Variants in ANO10 observed in about 807,000 individuals in gnomAD.
ANO10 encodes the protein anoctamin 10.
Under a neutral mutation model 74.7 loss-of-function variants are expected in ANO10, and 77 were observed. The ratio of observed to expected loss-of-function variants is 1.03; its 90% confidence interval spans 0.86 to 1.25. The LOEUF is 1.25. Among genes scored for constraint, ANO10 ranks in the 50% most tolerant of loss-of-function variants. The pLI is 0.00. For synonymous variants in ANO10, 279 were observed against 284.9 expected (o/e 0.98, Z 0.21); for missense variants, 721 against 778.1 (o/e 0.93, Z 0.87).
intron 12 of ANO10, among the ~76,000 whole-genome samples, chr3:43,373,714 C>G (rs554569038): frequency 6.6e-6 from 1 of 152,204 alleles, no homozygotes; most frequent in Non-Finnish European, 1.5e-5. Context: ...TCATTCTGAC[C>G]GCTTCTGGAA....
At chr3:43,531,376 T>C (rs1482961157) in intron 11 of ANO10, among the ~76,000 whole-genome samples, 1 of 152,196 alleles carries the variant, frequency 6.6e-6, no homozygotes, top group Non-Finnish European at 1.5e-5. Flanking sequence ...TTTCAAATTA[T>C]TTTGTGAGAA....
intron 1 of ANO10, among the ~76,000 whole-genome samples, chr3:43,645,139 TTTATC>T (rs1192554300): frequency 1.3e-5 from 2 of 152,246 alleles, no homozygotes; most frequent in African/African-American, 4.8e-5. Context: ...TTATTCATTA[TTTATC>T]TTGATTATCC....
rs750177654 is a variant in ANO10 at position 43,366,407 on chromosome 3, C to CA, written c.*498dup. The CA allele has an allele frequency of 8.7e-6, 2 of 229,794 alleles. No individual in the cohort carries two copies. The highest frequency in any genetic ancestry group is 1.7e-5 in the Non-Finnish European group (2 of 114,496). The allele number at this position is 229,794 out of a possible 1,614,324, so 14.2% of individuals were successfully genotyped here. A position where few individuals can be genotyped will look rare whatever the true frequency, so the allele number is the denominator to read the frequency against. Reference sequence around the variant, plus strand: ...TGATAAAGGGTCTGTTAATGTATTGCAAAAGAGAACCAGGAAAGAGGTCCA... The same window carrying CA: ...TGATAAAGGGTCTGTTAATGTATTGCAAAAAGAGAACCAGGAAAGAGGTCCA... On this transcript the variant is annotated 3_prime_UTR_variant, in exon 13 of 13. Coordinates refer to ENST00000292246, the MANE Select transcript of ANO10 (RefSeq NM_018075.5).
intron 11 of ANO10, among the ~76,000 whole-genome samples, chr3:43,512,737 C>T (rs1407314799): frequency 6.6e-6 from 1 of 151,982 alleles, no homozygotes; most frequent in African/African-American, 2.4e-5. Flanking sequence ...TAGAAATATC[C>T]TAACAGACCA....
chr3:43,405,963 G>A (rs112625551), intron 12 of ANO10, among the ~76,000 whole-genome samples: 77 of 152,266 alleles, frequency 5.1e-4, no homozygotes, highest in African/African-American at 1.7e-3. Flanking sequence ...AGTAGTTAAG[G>A]TGAAATAATT....
chr3:43,615,778 C>T (rs150094824), intron 1 of ANO10, among the ~76,000 whole-genome samples: 3,584 of 151,962 alleles, frequency 0.024, 145 homozygotes, highest in African/African-American at 0.081. Context: ...CTCAGCCTCC[C>T]GAGTAGCTGG....
intron 9 of ANO10, among the ~76,000 whole-genome samples, chr3:43,557,123 C>T (rs2079788519): frequency 6.6e-6 from 1 of 151,344 alleles, no homozygotes; most frequent in South Asian, 2.1e-4. Context: ...AAGTATTGAC[C>T]CACAGATAAT....
At chr3:43,619,563 C>A (rs541899246) in intron 1 of ANO10, among the ~76,000 whole-genome samples, 102 of 152,080 alleles carry the variant, frequency 6.7e-4, no homozygotes, top group African/African-American at 2.2e-3. Flanking sequence ...AGAGCCTCTT[C>A]CAGGGGCTGG....
At chr3:43,691,500 C>T (rs902602571) in intron 1 of ANO10, 7 of 153,150 alleles carry the variant, frequency 4.6e-5, no homozygotes, top group African/African-American at 1.2e-4. Flanking sequence ...ATCGCGGCTT[C>T]CGTCTACAGG....
intron 5 of ANO10, among the ~76,000 whole-genome samples, chr3:43,578,566 A>G (rs2081117732): frequency 6.6e-6 from 1 of 152,178 alleles, no homozygotes; most frequent in African/African-American, 2.4e-5. Flanking sequence ...CCTGGCCAAC[A>G]TGGGGAAACC....
intron 11 of ANO10, among the ~76,000 whole-genome samples, chr3:43,470,544 C>T (rs1383660886): frequency 2.0e-5 from 3 of 151,920 alleles, no homozygotes; most frequent in African/African-American, 4.8e-5. Context: ...GGGGTTTCAC[C>T]GTGGTCTCGA....
intron 1 of ANO10, among the ~76,000 whole-genome samples, chr3:43,669,641 T>A (rs957412433): frequency 3.3e-5 from 5 of 152,294 alleles, no homozygotes; most frequent in African/African-American, 1.2e-4. Flanking sequence ...ATTCAGCTTT[T>A]TATTTGATGT....
chr3:43,529,220 AG>A (rs2078345511), intron 11 of ANO10, among the ~76,000 whole-genome samples: 1 of 152,242 alleles, frequency 6.6e-6, no homozygotes, highest in African/African-American at 2.4e-5. Context: ...ACAACAGTGG[AG>A]GGGCATTTTC....
At chr3:43,450,628 T>C (rs2074820879) in intron 11 of ANO10, among the ~76,000 whole-genome samples, 1 of 152,208 alleles carries the variant, frequency 6.6e-6, no homozygotes, top group Non-Finnish European at 1.5e-5. Flanking sequence ...AAGGAAATCA[T>C]ATGTCAATAA....
chr3:43,676,450 C>T (rs192223503), intron 1 of ANO10, among the ~76,000 whole-genome samples: 7 of 151,812 alleles, frequency 4.6e-5, no homozygotes, highest in Non-Finnish European at 8.8e-5. Context: ...AGAGTGAGAC[C>T]CTGTCTCAAA....
chr3:43,666,209 C>T (rs1019396518), intron 1 of ANO10, among the ~76,000 whole-genome samples: 1 of 152,042 alleles, frequency 6.6e-6, no homozygotes, highest in Non-Finnish European at 1.5e-5. Context: ...TACTTAATGT[C>T]CCTTTGTTTT....
chr3:43,572,049 G>A (rs2080756750), intron 7 of ANO10, among the ~76,000 whole-genome samples: 1 of 152,076 alleles, frequency 6.6e-6, no homozygotes, highest in African/African-American at 2.4e-5. Context: ...AGAGCTGAAG[G>A]AACAGCACAG....
chr3:43,520,304 T>TA (rs1359434116), intron 11 of ANO10, among the ~76,000 whole-genome samples: 1 of 152,200 alleles, frequency 6.6e-6, no homozygotes, highest in Non-Finnish European at 1.5e-5. Flanking sequence ...TGATAGCTTA[T>TA]AAACAACAGA....
intron 1 of ANO10, among the ~76,000 whole-genome samples, chr3:43,669,255 C>G (rs189940970): frequency 1.5e-3 from 230 of 152,250 alleles, no homozygotes; most frequent in Non-Finnish European, 2.4e-3. Flanking sequence ...TTAAAAGGAA[C>G]AGAATCCTCC....
Sources: gnomAD v4.1 joint callset for allele counts (sites outside exome capture counted in the v4.1 genomes callset) on GRCh38, gnomAD v4.1.1 for gene constraint, MANE v1.5 for transcripts, NCBI Gene and HGNC (gene_info 2026-07-23, HGNC 2026-07-21) for gene names.